The following ELMO1 variants were observed in gnomAD, a reference collection of about 807,000 sequenced individuals.
ELMO1 encodes engulfment and cell motility protein 1.
A neutral mutation model predicts 98.9 loss-of-function variants in ELMO1; 26 were observed. The ratio of observed to expected loss-of-function variants is 0.26; its 90% CI spans 0.19 to 0.36. The LOEUF is 0.36. ELMO1 is among the 10% of genes least tolerant of loss of function. ELMO1 has a pLI of 1.00. For missense variants in ELMO1, 627 were observed against 935.2 expected, an observed-to-expected ratio of 0.67 and a Z score of 4.30; for synonymous variants, 346 against 346.0, an observed-to-expected ratio of 1.00 and a Z score of 0.00.
chr7:37,037,767 ATCACT>A (rs750724010), intron 15 of ELMO1, among the ~76,000 whole-genome samples: 14 of 152,184 alleles, frequency 9.2e-5, no homozygotes, highest in Non-Finnish European at 1.6e-4. Flanking sequence ...GTTTCATGAC[ATCACT>A]TCATTTTGTC....
intron 13 of ELMO1, among the ~76,000 whole-genome samples, chr7:37,154,105 G>A (rs1788559820): frequency 6.6e-6 from 1 of 152,160 alleles, no homozygotes; most frequent in African/African-American, 2.4e-5. Context: ...AAACAGAAAG[G>A]AATAGCATCA....
At chr7:37,093,077 G>A (rs1005784284) in intron 15 of ELMO1, among the ~76,000 whole-genome samples, 1 of 151,996 alleles carries the variant, frequency 6.6e-6, no homozygotes, top group Non-Finnish European at 1.5e-5. Flanking sequence ...CCTTGACAAA[G>A]TGCTCTGAGA....
rs138923506 is a variant in ELMO1 at position 36,971,434 on chromosome 7, TAAGAA to T, written c.1437+41860_1437+41864del. Among the ~76,000 whole-genome samples the T allele has an allele frequency of 4.0e-3, 612 of 152,304 alleles. 5 individuals carry two copies. The highest frequency in any genetic ancestry group is 0.014 in the African/African-American group (590 of 41,572). On this transcript the variant is annotated intron_variant, in intron 16 of 21. Coordinates refer to ENST00000310758, the MANE Select transcript of ELMO1 (RefSeq NM_014800.11). ...AAACTGAGCTTGTTATTTGAAGACATAAGAAAAGAAATCATTTTAAATGGGGGAAC... is the reference window on the plus strand; with the variant it reads ...AAACTGAGCTTGTTATTTGAAGACATAAGAAATCATTTTAAATGGGGGAAC...
intron 1 of ELMO1, among the ~76,000 whole-genome samples, chr7:37,416,394 A>C (rs1206804960): frequency 6.6e-6 from 1 of 152,236 alleles, no homozygotes; most frequent in African/African-American, 2.4e-5. Context: ...TTCTCACTGA[A>C]TAATTAAACT....
At chr7:37,359,555 C>A (rs528244116) in intron 1 of ELMO1, among the ~76,000 whole-genome samples, 1 of 152,258 alleles carries the variant, frequency 6.6e-6, no homozygotes, top group East Asian at 1.9e-4. Context: ...ACAACAGCCC[C>A]GTGACAAAGG....
intron 13 of ELMO1, among the ~76,000 whole-genome samples, chr7:37,173,789 G>A (rs1790333441): frequency 6.6e-6 from 1 of 152,150 alleles, no homozygotes. Context: ...CCTCTACTGA[G>A]AACCACCACC....
Position 36,878,035 on chromosome 7 carries a change from C to G in ELMO1, c.1797G>C (p.Val599=). 6.2e-7 allele frequency: 1 copy of G among 1,614,020 alleles called. No individual in the cohort carries two copies. The highest frequency in any genetic ancestry group is 1.7e-5 in the Admixed American group (1 of 60,026). ...GDLEESPQGE[V]PHDSLQDKLP... ...GTTTGTCCTGCAAGGAATCGTGGGG[C>G]ACTTCTCCCTGAGGACTCTCTTCTA... The change falls in exon 19 of 22, where the codon GTG becomes GTC. Residue 599 remains valine (V), a synonymous_variant. Transcript: ENST00000310758.
chr7:37,212,828 T>C (rs1333465748), intron 12 of ELMO1, among the ~76,000 whole-genome samples: 1 of 152,136 alleles, frequency 6.6e-6, no homozygotes, highest in East Asian at 1.9e-4. Flanking sequence ...CTATAACCTT[T>C]CATGCACAAC....
intron 15 of ELMO1, among the ~76,000 whole-genome samples, chr7:37,042,193 T>A (rs1214726521): frequency 2.4e-4 from 36 of 147,370 alleles, no homozygotes; most frequent in African/African-American, 9.1e-4. Context: ...TGAGTGAGAC[T>A]CTGTTTTTCT....
chr7:37,144,643 C>T (rs1787867198), intron 13 of ELMO1, among the ~76,000 whole-genome samples: 1 of 152,182 alleles, frequency 6.6e-6, no homozygotes. Context: ...TGTTGAAATG[C>T]TGCTCTGTGA....
At chr7:37,416,196 C>T (rs79596002) in intron 1 of ELMO1, among the ~76,000 whole-genome samples, 11,361 of 152,182 alleles carry the variant, frequency 0.075, 589 homozygotes, top group Non-Finnish European at 0.095. Flanking sequence ...ATCAGATATG[C>T]CACCAAAACT....
intron 14 of ELMO1, 106 bp from the exon 15 acceptor site, chr7:37,096,833 C>G: frequency 9.5e-7 from 1 of 1,053,510 alleles, no homozygotes; most frequent in Non-Finnish European, 1.4e-6. Context: ...CTTCAGATCC[C>G]CAAACGAAGA....
At chr7:37,334,433 CA>C (rs1800288381) in intron 2 of ELMO1, among the ~76,000 whole-genome samples, 3 of 152,062 alleles carry the variant, frequency 2.0e-5, no homozygotes, top group South Asian at 2.1e-4. Context: ...GCAACAAGAG[CA>C]AAACTCCATC....
intron 7 of ELMO1, among the ~76,000 whole-genome samples, chr7:37,236,360 A>T (rs143879624): frequency 3.3e-4 from 51 of 152,348 alleles, no homozygotes; most frequent in African/African-American, 1.2e-3. Context: ...TGAGACTGCA[A>T]ATAGAGCTAT....
intron 16 of ELMO1, among the ~76,000 whole-genome samples, chr7:36,944,363 CAA>C (rs889580977): frequency 1.3e-5 from 2 of 152,074 alleles, no homozygotes; most frequent in African/African-American, 4.8e-5. Context: ...AGTTGAGATT[CAA>C]AGAGACTCAA....
chr7:37,018,798 A>G (rs1203143723), intron 15 of ELMO1, among the ~76,000 whole-genome samples: 1 of 152,228 alleles, frequency 6.6e-6, no homozygotes, highest in African/African-American at 2.4e-5. Context: ...GTAATCAAGT[A>G]CATGGCATAG....
intron 14 of ELMO1, among the ~76,000 whole-genome samples, chr7:37,104,627 T>C (rs1784839914): frequency 1.3e-5 from 2 of 152,230 alleles, no homozygotes; most frequent in African/African-American, 2.4e-5. Flanking sequence ...ATCCATGGTA[T>C]GTCCAGGCTG....
At chr7:37,320,451 G>GC (rs1474810966) in intron 2 of ELMO1, among the ~76,000 whole-genome samples, 5 of 151,882 alleles carry the variant, frequency 3.3e-5, no homozygotes, top group Non-Finnish European at 4.4e-5. Flanking sequence ...TTTCGCTCAT[G>GC]CCATTTGCTT....
intron 14 of ELMO1, among the ~76,000 whole-genome samples, chr7:37,104,740 G>A (rs1006127756): frequency 1.3e-5 from 2 of 151,968 alleles, no homozygotes; most frequent in African/African-American, 4.8e-5. Flanking sequence ...TATAACTGAC[G>A]ACCAGGGAAA....
Sources: allele counts gnomAD v4.1 joint callset (sites outside exome capture counted in the v4.1 genomes callset), GRCh38; gene constraint gnomAD v4.1.1; transcripts MANE v1.5; gene names NCBI Gene and HGNC (gene_info 2026-07-23, HGNC 2026-07-21).